UBE2E2: variants seen among roughly 807,000 people sequenced by gnomAD.
The protein encoded by UBE2E2 is ubiquitin conjugating enzyme E2 E2, also known as ubiquitin-conjugating enzyme E2 E2.
Under a neutral mutation model 24.7 loss-of-function variants are expected in UBE2E2, and 6 were observed. That is an observed-to-expected ratio of 0.24 (90% confidence interval 0.13 to 0.48). UBE2E2 has a LOEUF of 0.48. Ranked by LOEUF, UBE2E2 falls within the 20% of genes least tolerant of loss-of-function variation. UBE2E2 has a pLI of 0.99. For missense variants in UBE2E2, 169 were observed against 245.0 expected, an observed-to-expected ratio of 0.69 and a Z score of 2.07; for synonymous variants, 104 against 83.6, an observed-to-expected ratio of 1.24 and a Z score of -1.33.
At chr3:23,410,582 C>T (rs1195841001) in intron 3 of UBE2E2, among the ~76,000 whole-genome samples, 1 of 152,158 alleles carries the variant, frequency 6.6e-6, no homozygotes. Context: ...GTAGTACCTT[C>T]ATCTTTTCTA....
chr3:23,504,588 C>T (rs2125459651), intron 4 of UBE2E2, among the ~76,000 whole-genome samples: 1 of 152,122 alleles, frequency 6.6e-6, no homozygotes, highest in Non-Finnish European at 1.5e-5. Context: ...CCTACACTCC[C>T]CTCAGCTTTT....
intron 3 of UBE2E2, among the ~76,000 whole-genome samples, chr3:23,443,274 T>G (rs558035087): frequency 3.3e-5 from 5 of 152,316 alleles, no homozygotes; most frequent in African/African-American, 1.2e-4. Flanking sequence ...TTAGCTCAGC[T>G]TCCCCACTAA....
Position 23,512,994 on chromosome 3 carries a change from T to C in UBE2E2, c.360+13254T>C, listed in dbSNP as rs562298365. Among the ~76,000 whole-genome samples the C allele has an allele frequency of 8.3e-4, 127 of 152,288 alleles. 2 individuals are homozygous for C. The highest frequency in any genetic ancestry group is 2.9e-3 in the African/African-American group (120 of 41,560). ...ATCTGTACATGTACAGTATACTATA[T>C]ATACTGTGTATTTATGTTTCCCCCA... is the stretch of plus-strand genomic sequence containing the variant. On this transcript the variant is annotated intron_variant, in intron 4 of 5. Coordinates refer to ENST00000396703, the MANE Select transcript of UBE2E2 (RefSeq NM_152653.4).
intron 3 of UBE2E2, among the ~76,000 whole-genome samples, chr3:23,324,555 A>G (rs1473315242): frequency 6.6e-6 from 1 of 152,132 alleles, no homozygotes; most frequent in East Asian, 1.9e-4. Flanking sequence ...GGAATAGGAA[A>G]TGAAGTTTAC....
In UBE2E2 at chr3:23,397,709, T is replaced by A. The variant is rs189526546; in HGVS notation, c.228-101899T>A. ...TATCCATGTTGTAGGGAACTGTAAT[T>A]TGTTCATTTTCTTTGAAGTAGTATT... is the stretch of plus-strand genomic sequence containing the variant. On this transcript the variant is annotated intron_variant, in intron 3 of 5. Coordinates refer to ENST00000396703, the MANE Select transcript of UBE2E2 (RefSeq NM_152653.4). 3.3e-5 allele frequency among the ~76,000 whole-genome samples: 5 copies of A among 152,310 alleles called. No homozygotes were observed. In the East Asian group the frequency reaches 9.6e-4, roughly 29 times the overall value.
intron 3 of UBE2E2, among the ~76,000 whole-genome samples, chr3:23,294,905 T>C (rs1698869478): frequency 6.6e-6 from 1 of 152,062 alleles, no homozygotes; most frequent in Admixed American, 6.6e-5. Context: ...ATCCTTAAAA[T>C]TACTTTCTAA....
intron 3 of UBE2E2, among the ~76,000 whole-genome samples, chr3:23,402,324 T>G (rs2125372587): frequency 6.6e-6 from 1 of 152,334 alleles, no homozygotes; most frequent in Non-Finnish European, 1.5e-5. Context: ...TCAAGTGATC[T>G]TACGTGATAG....
intron 3 of UBE2E2, chr3:23,323,442 A>C: frequency 2.8e-6 from 1 of 361,756 alleles, no homozygotes; most frequent in Non-Finnish European, 5.4e-6. Flanking sequence ...GGGCTAGCTC[A>C]GGTGTAAGTA....
intron 3 of UBE2E2, among the ~76,000 whole-genome samples, chr3:23,300,423 G>T (rs1185101377): frequency 6.6e-6 from 1 of 152,106 alleles, no homozygotes; most frequent in Non-Finnish European, 1.5e-5. Flanking sequence ...GGCTGGTACC[G>T]GTTGTCCCTT....
intron 4 of UBE2E2, among the ~76,000 whole-genome samples, chr3:23,508,480 A>G (rs1694507071): frequency 6.6e-6 from 1 of 152,202 alleles, no homozygotes; most frequent in African/African-American, 2.4e-5. Context: ...GCAGTTTGCT[A>G]ATTTTAAAGA....
chr3:23,418,130 G>A (rs1320826369), intron 3 of UBE2E2, among the ~76,000 whole-genome samples: 1 of 152,222 alleles, frequency 6.6e-6, no homozygotes, highest in African/African-American at 2.4e-5. Flanking sequence ...CAGCTAGCTT[G>A]GTGTCTGCAC....
intron 3 of UBE2E2, among the ~76,000 whole-genome samples, chr3:23,344,990 A>G (rs1016315876): frequency 6.6e-6 from 1 of 152,134 alleles, no homozygotes; most frequent in Non-Finnish European, 1.5e-5. Flanking sequence ...ACTCTCCCCC[A>G]GGTGTGCAGC....
At chr3:23,570,746 C>T (rs1278703898) in intron 5 of UBE2E2, among the ~76,000 whole-genome samples, 1 of 152,092 alleles carries the variant, frequency 6.6e-6, no homozygotes, top group Non-Finnish European at 1.5e-5. Flanking sequence ...CAAAGTGAAA[C>T]AAAGATGTCA....
chr3:23,426,156 C>G (rs1202125346), intron 3 of UBE2E2, among the ~76,000 whole-genome samples: 2 of 151,908 alleles, frequency 1.3e-5, no homozygotes, highest in Non-Finnish European at 2.9e-5. Context: ...AGGAAAGAAT[C>G]TAAAACCTTG....
chr3:23,278,836 C>T (rs1698425467), intron 3 of UBE2E2, among the ~76,000 whole-genome samples: 2 of 151,976 alleles, frequency 1.3e-5, no homozygotes, highest in Non-Finnish European at 2.9e-5. Flanking sequence ...TTATGAAAAC[C>T]TAAGTTTCCA....
Position 23,583,255 on chromosome 3 carries a change from T to A in UBE2E2, c.509-6479T>A, listed in dbSNP as rs1331299356. Among the ~76,000 whole-genome samples, 3 of 152,174 alleles carry A rather than the reference T, an allele frequency of 2.0e-5. No individual in the cohort carries two copies. The highest frequency in any genetic ancestry group is 4.4e-5 in the Non-Finnish European group (3 of 68,034). ...GATGGTCGTAAATATGTGGCATTATTTCTGGGCTCTTTATTTTGTTCCACT... is the reference window on the plus strand; with the variant it reads ...GATGGTCGTAAATATGTGGCATTATATCTGGGCTCTTTATTTTGTTCCACT... On this transcript the variant is annotated intron_variant, in intron 5 of 5. Coordinates refer to ENST00000396703, the MANE Select transcript of UBE2E2 (RefSeq NM_152653.4). This position sits in a 1 kb window ranked among gnomAD's most constrained non-coding sequence, Gnocchi z 4.1.
chr3:23,309,642 A>ATGTGC (rs1491153409), intron 3 of UBE2E2, among the ~76,000 whole-genome samples: 2 of 152,116 alleles, frequency 1.3e-5, no homozygotes, highest in Non-Finnish European at 2.9e-5. Context: ...TCAGAGCATC[A>ATGTGC]TGTGCATCTT....
At chr3:23,354,260 A>G (rs1319427284) in intron 3 of UBE2E2, among the ~76,000 whole-genome samples, 8 of 152,170 alleles carry the variant, frequency 5.3e-5, no homozygotes, top group East Asian at 3.9e-4. Context: ...AGACTTAAAC[A>G]TTAGACCTAA....
Position 23,203,456 on chromosome 3 carries a change from C to A in UBE2E2, c.-17C>A. 2.1e-6 allele frequency: 2 copies of A among 964,310 alleles called. No homozygotes were observed. Among genetic ancestry groups the A allele is most frequent in the Non-Finnish European group, 2.4e-6 (2 of 823,206 alleles). The allele number at this position is 964,310 out of a possible 1,614,324, so 59.7% of individuals were successfully genotyped here. A position where few individuals can be genotyped will look rare whatever the true frequency, so the allele number is the denominator to read the frequency against. ...GAGCCTGCGACCTGCACGGACACCC[C>A]CCCCTCAGGTATTCGCTCGGGCCGC... On this transcript the variant is annotated 5_prime_UTR_variant, in exon 1 of 6. Coordinates refer to ENST00000396703, the MANE Select transcript of UBE2E2 (RefSeq NM_152653.4).
Sources: allele counts gnomAD v4.1 joint callset (sites outside exome capture counted in the v4.1 genomes callset), GRCh38; gene constraint gnomAD v4.1.1; non-coding constraint Gnocchi (gnomAD v3.1); transcripts MANE v1.5; gene names NCBI Gene and HGNC (gene_info 2026-07-23, HGNC 2026-07-21).